The following ADAMTS17 variants were observed in gnomAD, a reference collection of about 807,000 sequenced individuals.
The protein encoded by ADAMTS17 is A disintegrin and metalloproteinase with thrombospondin motifs 17.
Under a neutral mutation model 141.5 loss-of-function variants are expected in ADAMTS17, and 113 were observed. That is an observed-to-expected ratio of 0.80 (90% CI 0.69 to 0.93). The LOEUF (loss-of-function observed/expected upper bound fraction) is 0.93. Among genes scored for constraint, ADAMTS17 ranks in the 40% least tolerant of loss-of-function variants. The pLI is 0.00. For synonymous variants in ADAMTS17, 768 were observed against 630.6 expected, an observed-to-expected ratio of 1.22 and a Z score of -3.27; for missense variants, 1,659 against 1,517.9, an observed-to-expected ratio of 1.09 and a Z score of -1.54.
chr15:100,259,938 C>T (rs914102403), intron 6 of ADAMTS17, among the ~76,000 whole-genome samples: 9 of 152,078 alleles, frequency 5.9e-5, no homozygotes, highest in Admixed American at 3.3e-4. Flanking sequence ...TCTGCCTCCC[C>T]GGTTCAAGCA....
At chr15:100,111,676 G>A (rs1317117593) in intron 13 of ADAMTS17, among the ~76,000 whole-genome samples, 1 of 152,274 alleles carries the variant, frequency 6.6e-6, no homozygotes, top group Non-Finnish European at 1.5e-5. Context: ...TGTTGACTCA[G>A]TACTGGGAGT....
chr15:100,262,187 C>T, intron 5 of ADAMTS17, among the ~76,000 whole-genome samples, 165 bp downstream of exon 5: 1 of 152,108 alleles, frequency 6.6e-6, no homozygotes, highest in East Asian at 1.9e-4. Flanking sequence ...CCCCTCACAC[C>T]ATGCTTCCGG....
rs576883701 is a variant in ADAMTS17, at chr15:100,071,549, G to C, written c.2138-17495C>G. Among the ~76,000 whole-genome samples the C allele has an allele frequency of 2.9e-4, 44 of 150,354 alleles. 2 individuals are homozygous for C. The highest frequency in any genetic ancestry group is 1.1e-3 in the African/African-American group (44 of 40,738). ...CATCAAGAAGCTTACCCATCAAAAAGCTTATCCACCACAATCAAGTTGGCT... is the reference window on the plus strand; with the variant it reads ...CATCAAGAAGCTTACCCATCAAAAACCTTATCCACCACAATCAAGTTGGCT... On this transcript the variant is annotated intron_variant, in intron 15 of 21. Coordinates refer to ENST00000268070, the MANE Select transcript of ADAMTS17 (RefSeq NM_139057.4).
chr15:100,211,193 T>C (rs201841194), intron 7 of ADAMTS17, among the ~76,000 whole-genome samples: 2 of 150,436 alleles, frequency 1.3e-5, no homozygotes, highest in South Asian at 2.1e-4. Context: ...TCCCAGCTAC[T>C]TGGGAAGCTG....
chr15:100,026,816 T>C (rs74039006), intron 18 of ADAMTS17, among the ~76,000 whole-genome samples: 2,571 of 152,332 alleles, frequency 0.017, 69 homozygotes, highest in African/African-American at 0.056. Context: ...TCTGCCCACC[T>C]TGAAACAATC....
intron 15 of ADAMTS17, among the ~76,000 whole-genome samples, chr15:100,055,130 C>T (rs2032461128): frequency 6.6e-6 from 1 of 152,142 alleles, no homozygotes; most frequent in South Asian, 2.1e-4. Context: ...GTCCTATGCC[C>T]ACACTCCCTG....
chr15:100,287,489 C>G (rs1190018260), intron 3 of ADAMTS17, among the ~76,000 whole-genome samples: 1 of 152,100 alleles, frequency 6.6e-6, no homozygotes, highest in Non-Finnish European at 1.5e-5. Context: ...GAAAATTCCC[C>G]CAACCTCACT....
chr15:100,121,293 G>A (rs2037440199), intron 12 of ADAMTS17, among the ~76,000 whole-genome samples: 1 of 152,174 alleles, frequency 6.6e-6, no homozygotes, highest in Non-Finnish European at 1.5e-5. Flanking sequence ...ATTATTTGAA[G>A]AAATAATGGC....
chr15:100,240,986 C>T (rs562202792), intron 7 of ADAMTS17, among the ~76,000 whole-genome samples: 1 of 152,184 alleles, frequency 6.6e-6, no homozygotes, highest in East Asian at 1.9e-4. Flanking sequence ...CCACCAAGCC[C>T]ACCTATTTTT....
intron 15 of ADAMTS17, among the ~76,000 whole-genome samples, chr15:100,057,311 T>C (rs1291781185): frequency 1.3e-5 from 2 of 152,148 alleles, no homozygotes; most frequent in South Asian, 2.1e-4. Context: ...TGAGGTGCCC[T>C]GTACAAAGGA....
At chr15:100,205,868 T>G (rs548834887) in intron 7 of ADAMTS17, among the ~76,000 whole-genome samples, 1 of 151,944 alleles carries the variant, frequency 6.6e-6, no homozygotes, top group African/African-American at 2.4e-5. Flanking sequence ...GCCTGAAGGG[T>G]GGGCGCCGCG....
intron 20 of ADAMTS17, among the ~76,000 whole-genome samples, chr15:99,983,755 G>A (rs1052636496): frequency 6.6e-6 from 1 of 152,152 alleles, no homozygotes; most frequent in Non-Finnish European, 1.5e-5. Context: ...AAAGCACAAT[G>A]AATCCACCCC....
At chr15:100,079,764 C>T (rs2034611224) in intron 15 of ADAMTS17, among the ~76,000 whole-genome samples, 1 of 152,196 alleles carries the variant, frequency 6.6e-6, no homozygotes, top group African/African-American at 2.4e-5. Context: ...CCAAGACTAC[C>T]ATCCGTGGAG....
intron 4 of ADAMTS17, among the ~76,000 whole-genome samples, chr15:100,273,056 T>A (rs2043968746): frequency 6.6e-6 from 1 of 152,198 alleles, no homozygotes; most frequent in Non-Finnish European, 1.5e-5. Flanking sequence ...TTGATCATGA[T>A]GTATAATCAT....
chr15:99,973,845 G>T lies in ADAMTS17; in HGVS notation c.*557C>A. The T allele has an allele frequency of 1.0e-5, 2 of 190,922 alleles. No homozygotes were observed. The highest frequency in any genetic ancestry group is 2.2e-5 in the Non-Finnish European group (2 of 91,356). 11.8% of individuals were successfully genotyped at this position (190,922 alleles called of 1,614,324 possible). On this transcript the variant is annotated 3_prime_UTR_variant, in exon 22 of 22. Coordinates refer to ENST00000268070, the MANE Select transcript of ADAMTS17 (RefSeq NM_139057.4). ...TTTAGAGACTATGTTCTCAGAGACG[G>T]GCATGGAGGCAACGTCCTGGTTCTC...
intron 15 of ADAMTS17, among the ~76,000 whole-genome samples, chr15:100,070,441 T>C (rs1352661965): frequency 6.7e-6 from 1 of 150,228 alleles, no homozygotes; most frequent in Non-Finnish European, 1.5e-5. Flanking sequence ...GAATATACAT[T>C]CTTCTCAGCA....
intron 4 of ADAMTS17, among the ~76,000 whole-genome samples, chr15:100,266,770 C>T (rs933123653): frequency 7.2e-5 from 11 of 152,304 alleles, no homozygotes; most frequent in African/African-American, 2.4e-4. Flanking sequence ...ATACCTGTCA[C>T]TGCTGTCCCC....
At chr15:100,281,711 C>T (rs544929310) in intron 3 of ADAMTS17, among the ~76,000 whole-genome samples, 10 of 152,272 alleles carry the variant, frequency 6.6e-5, no homozygotes, top group South Asian at 6.2e-4. Flanking sequence ...TAGAGAAGCA[C>T]GGAGAGCTGC....
chr15:100,117,280 A>T (rs1473183744), intron 12 of ADAMTS17, among the ~76,000 whole-genome samples: 1 of 152,178 alleles, frequency 6.6e-6, no homozygotes, highest in Non-Finnish European at 1.5e-5. Flanking sequence ...GTTTGGCAAG[A>T]TCCACACATT....
Sources: allele counts gnomAD v4.1 joint callset (sites outside exome capture counted in the v4.1 genomes callset), GRCh38; gene constraint gnomAD v4.1.1; transcripts MANE v1.5; gene names NCBI Gene and HGNC (gene_info 2026-07-23, HGNC 2026-07-21).